Variants in TPH2 observed in about 807,000 individuals in gnomAD.
TPH2 encodes the protein tryptophan 5-hydroxylase 2.
Under a neutral mutation model 59.1 loss-of-function variants are expected in TPH2, and 27 were observed. The observed-to-expected ratio is 0.46, with a 90% CI of 0.34 to 0.63. TPH2 has a LOEUF of 0.63. Among genes scored for constraint, TPH2 ranks in the 30% least tolerant of loss-of-function variants. The pLI is 0.01. For synonymous variants in TPH2, 220 were observed against 210.5 expected (o/e 1.05, Z -0.39); for missense variants, 523 against 588.3 (o/e 0.89, Z 1.15).
chr12:72,011,821 G>T (rs61441298), intron 8 of TPH2, among the ~76,000 whole-genome samples: 1 of 152,110 alleles, frequency 6.6e-6, no homozygotes, highest in Admixed American at 6.5e-5. Context: ...TGGTGTCTTA[G>T]GGCCTGACTG....
chr12:71,995,402 G>A (rs1592403219), intron 8 of TPH2, among the ~76,000 whole-genome samples: 1 of 152,124 alleles, frequency 6.6e-6, no homozygotes, highest in South Asian at 2.1e-4. Flanking sequence ...GATGAAAAAT[G>A]CGATCTTAAA....
chr12:71,975,029 C>T (rs574840934), intron 6 of TPH2, among the ~76,000 whole-genome samples: 1 of 152,248 alleles, frequency 6.6e-6, no homozygotes, highest in East Asian at 1.9e-4. Context: ...TATATAGGTA[C>T]TTTTATAGCC....
chr12:72,006,320 G>T (rs1157552553), intron 8 of TPH2, among the ~76,000 whole-genome samples: 3 of 152,152 alleles, frequency 2.0e-5, no homozygotes, highest in African/African-American at 7.2e-5. Flanking sequence ...TTTGCAGTAG[G>T]GGAGAGAGAT....
At chr12:72,030,549 T>C (rs1319249669) in intron 9 of TPH2, among the ~76,000 whole-genome samples, 3 of 152,190 alleles carry the variant, frequency 2.0e-5, no homozygotes, top group African/African-American at 7.2e-5. Flanking sequence ...ACGGAGCTAA[T>C]GATGGTTCAA....
intron 7 of TPH2, among the ~76,000 whole-genome samples, chr12:71,990,613 T>A (rs1022745921): frequency 2.0e-5 from 3 of 152,238 alleles, no homozygotes; most frequent in Admixed American, 1.3e-4. Context: ...TCAATTTCCT[T>A]TGTCTACATG....
intron 8 of TPH2, among the ~76,000 whole-genome samples, chr12:71,998,135 G>A (rs75415006): frequency 0.037 from 5,651 of 152,212 alleles, 240 homozygotes; most frequent in South Asian, 0.16. Flanking sequence ...TTGGGATGGA[G>A]TAGGGGTGGG....
chr12:72,031,987 A>G lies in TPH2; in HGVS notation c.*292A>G. 2.4e-6 allele frequency: 1 copy of G among 416,984 alleles called. No individual in the cohort carries two copies. The allele number at this position is 416,984 out of a possible 1,614,324, so 25.8% of individuals were successfully genotyped here. The stretch of plus-strand genomic sequence containing the variant: ...AAACTGCATCTAGTTAAAATTTGTA[A>G]CAAATAGCCCTCTTATGAGTCTCAT... On this transcript the variant is annotated 3_prime_UTR_variant, in exon 11 of 11. Transcript: ENST00000333850.
Position 71,990,015 on chromosome 12 carries a change from C to T in TPH2, c.942-4424C>T, listed in dbSNP as rs1872545376. ...TACAGTGTTAACAGCTTTGAAAGGT[C>T]TTGTATTTCCAGTGAACAGAGCACA... is the stretch of plus-strand genomic sequence containing the variant. On this transcript the variant is annotated intron_variant, in intron 7 of 10. Transcript: ENST00000333850. Among the ~76,000 whole-genome samples, 4 of 149,940 alleles carry T rather than the reference C, an allele frequency of 2.7e-5. No individual in the cohort carries two copies. The South Asian group carries it at 8.4e-4, about 32-fold the overall frequency.
chr12:71,982,482 T>G (rs879475746), intron 7 of TPH2, among the ~76,000 whole-genome samples: 3 of 152,190 alleles, frequency 2.0e-5, no homozygotes, highest in Non-Finnish European at 4.4e-5. Context: ...AAATATACTA[T>G]GCAGACAAAA....
At chr12:71,982,263 C>T (rs1872307667) in intron 7 of TPH2, among the ~76,000 whole-genome samples, 1 of 151,830 alleles carries the variant, frequency 6.6e-6, no homozygotes, top group Non-Finnish European at 1.5e-5. Flanking sequence ...CCTCGACCTC[C>T]TAAAGTGCTG....
At chr12:72,020,050 G>C (rs1873367951) in intron 8 of TPH2, among the ~76,000 whole-genome samples, 1 of 152,172 alleles carries the variant, frequency 6.6e-6, no homozygotes, top group Non-Finnish European at 1.5e-5. Flanking sequence ...TTAGGCTCTT[G>C]TTATCTTTCA....
chr12:72,017,259 G>A (rs1409614810), intron 8 of TPH2, among the ~76,000 whole-genome samples: 1 of 152,088 alleles, frequency 6.6e-6, no homozygotes, highest in Non-Finnish European at 1.5e-5. Context: ...TCTGAAGATG[G>A]CAGCATTGGG....
intron 5 of TPH2, among the ~76,000 whole-genome samples, chr12:71,967,363 TGAGTAACATAATCCACCA>T (rs1871845564): frequency 6.6e-6 from 1 of 152,236 alleles, no homozygotes; most frequent in Admixed American, 6.5e-5. Flanking sequence ...TAGTCATCTC[TGAGTAACATAATCCACCA>T]GAGAGTTTTC....
At chr12:72,001,820 G>T (rs1400999847) in intron 8 of TPH2, among the ~76,000 whole-genome samples, 1 of 151,620 alleles carries the variant, frequency 6.6e-6, no homozygotes, top group African/African-American at 2.4e-5. Flanking sequence ...TAATTTAATA[G>T]TGGCTTTTTT....
At chr12:71,998,857 A>G (rs1312634465) in intron 8 of TPH2, among the ~76,000 whole-genome samples, 2 of 152,232 alleles carry the variant, frequency 1.3e-5, no homozygotes, top group African/African-American at 4.8e-5. Context: ...AAAGCCATGG[A>G]AATCACTATT....
At chr12:71,947,816 T>C (rs1283770447) in intron 4 of TPH2, among the ~76,000 whole-genome samples, 2 of 152,064 alleles carry the variant, frequency 1.3e-5, no homozygotes, top group Admixed American at 1.3e-4. Flanking sequence ...AGTAAATCGC[T>C]CTCTTGCGTC....
intron 8 of TPH2, among the ~76,000 whole-genome samples, chr12:72,012,505 T>C (rs1178822665): frequency 6.6e-6 from 1 of 152,166 alleles, no homozygotes; most frequent in Non-Finnish European, 1.5e-5. Flanking sequence ...AGGAAGACGG[T>C]GGAGCAATGA....
intron 7 of TPH2, among the ~76,000 whole-genome samples, chr12:71,983,163 T>C (rs1156519007): frequency 6.6e-6 from 1 of 152,140 alleles, no homozygotes; most frequent in Non-Finnish European, 1.5e-5. Context: ...ATTAGTGACT[T>C]CTGGTTTTCC....
chr12:72,017,837 G>A (rs990708115), intron 8 of TPH2, among the ~76,000 whole-genome samples: 1 of 152,168 alleles, frequency 6.6e-6, no homozygotes, highest in Non-Finnish European at 1.5e-5. Flanking sequence ...GGGTCATCGA[G>A]TGCAACTCTA....
Sources: allele counts gnomAD v4.1 joint callset (sites outside exome capture counted in the v4.1 genomes callset), GRCh38; gene constraint gnomAD v4.1.1; transcripts MANE v1.5; gene names NCBI Gene and HGNC (gene_info 2026-07-23, HGNC 2026-07-21).